The following SLC16A10 variants were observed in gnomAD, a reference collection of about 807,000 sequenced individuals.
SLC16A10 encodes solute carrier family 16 member 10, also known as monocarboxylate transporter 10.
SLC16A10 carries 27 observed loss-of-function variants against 40.0 expected under a neutral mutation model. The observed-to-expected ratio is 0.67, with a 90% CI of 0.50 to 0.93. The LOEUF (loss-of-function observed/expected upper bound fraction) is 0.93. SLC16A10 is among the 40% of genes least tolerant of loss of function. SLC16A10 has a pLI of 0.00. For missense variants in SLC16A10, 529 were observed against 658.2 expected (o/e 0.80, Z 2.15); for synonymous variants, 213 against 249.8 (o/e 0.85, Z 1.39).
At chr6:111,221,013 T>C (rs1770878172) in intron 5 of SLC16A10, among the ~76,000 whole-genome samples, 1 of 152,194 alleles carries the variant, frequency 6.6e-6, no homozygotes, top group South Asian at 2.1e-4. Context: ...ATTTTATATA[T>C]GCAGAATGGA....
intron 3 of SLC16A10, among the ~76,000 whole-genome samples, chr6:111,193,732 T>G (rs1369606403): frequency 6.6e-6 from 1 of 152,250 alleles, no homozygotes; most frequent in Non-Finnish European, 1.5e-5. Context: ...AAATTATCCC[T>G]GTAATGTAGG....
chr6:111,113,120 A>G (rs1282708186), intron 1 of SLC16A10, among the ~76,000 whole-genome samples: 1 of 152,244 alleles, frequency 6.6e-6, no homozygotes, highest in Admixed American at 6.5e-5. Flanking sequence ...CCTATTAACA[A>G]ATTAAATAAT....
chr6:111,123,834 TC>T (rs2114478396), intron 1 of SLC16A10, among the ~76,000 whole-genome samples: 1 of 152,226 alleles, frequency 6.6e-6, no homozygotes, highest in Non-Finnish European at 1.5e-5. Context: ...GTGCTGATAT[TC>T]ATCAGAAAAA....
intron 3 of SLC16A10, among the ~76,000 whole-genome samples, chr6:111,199,894 T>G (rs558463450): frequency 6.6e-6 from 1 of 152,120 alleles, no homozygotes; most frequent in South Asian, 2.1e-4. Flanking sequence ...GTTTTCAAAA[T>G]TAGGTTCTTT....
chr6:111,135,133 G>A (rs999379827), intron 1 of SLC16A10, among the ~76,000 whole-genome samples: 2 of 152,138 alleles, frequency 1.3e-5, no homozygotes, highest in African/African-American at 4.8e-5. Context: ...AAAAGCAGGG[G>A]CCATTATACA....
Position 111,172,592 on chromosome 6 carries a change from A to G in SLC16A10, c.344-103A>G, listed in dbSNP as rs1196331637. 13 of 1,405,016 alleles carry G rather than the reference A, an allele frequency of 9.3e-6. No individual in the cohort carries two copies. The Admixed American group carries it at 1.4e-4, about 15-fold the overall frequency. The allele number at this position is 1,405,016 out of a possible 1,614,324, so 87.0% of individuals were successfully genotyped here. ...TAAGCTTAGGCACTATACTCAAAAA[A>G]ACTAAAAATAAAATTTTTCTAAATG... On this transcript the variant is annotated intron_variant, in intron 1 of 5. Coordinates refer to ENST00000368851, the MANE Select transcript of SLC16A10 (RefSeq NM_018593.5).
At chr6:111,155,164 T>TA (rs1335659750) in intron 1 of SLC16A10, among the ~76,000 whole-genome samples, 1 of 151,330 alleles carries the variant, frequency 6.6e-6, no homozygotes, top group African/African-American at 2.4e-5. Context: ...ACAATCTTCC[T>TA]ATCTTCTTTA....
intron 1 of SLC16A10, among the ~76,000 whole-genome samples, chr6:111,117,202 A>G (rs1457157711): frequency 6.6e-6 from 1 of 152,014 alleles, no homozygotes; most frequent in African/African-American, 2.4e-5. Context: ...TACAAAAAAA[A>G]TTAGCCCAGC....
rs1039502376 is a variant in SLC16A10, at chr6:111,179,777, C to G, written c.942+2112C>G. ...TCTTACAAAATATGTTGACATTGTTCATTTGAGATTTTCTCTTTCTCATAA... is the reference window on the plus strand; with the variant it reads ...TCTTACAAAATATGTTGACATTGTTGATTTGAGATTTTCTCTTTCTCATAA... On this transcript the variant is annotated intron_variant, in intron 3 of 5. Coordinates refer to ENST00000368851, the MANE Select transcript of SLC16A10 (RefSeq NM_018593.5). Among the ~76,000 whole-genome samples, 5 of 152,166 alleles carry G rather than the reference C, an allele frequency of 3.3e-5. No individual in the cohort carries two copies. The South Asian group carries it at 1.0e-3, about 32-fold the overall frequency.
chr6:111,114,142 A>T (rs1212206671), intron 1 of SLC16A10, among the ~76,000 whole-genome samples: 1 of 152,002 alleles, frequency 6.6e-6, no homozygotes, highest in African/African-American at 2.4e-5. Flanking sequence ...TGTTTAAGTC[A>T]AGCATTTGAA....
chr6:111,132,121 C>A (rs1054002622), intron 1 of SLC16A10, among the ~76,000 whole-genome samples: 1 of 152,030 alleles, frequency 6.6e-6, no homozygotes, highest in East Asian at 1.9e-4. Context: ...TCAACATGGG[C>A]AGTTATGTAG....
At chr6:111,163,093 A>G (rs1772401481) in intron 1 of SLC16A10, among the ~76,000 whole-genome samples, 1 of 151,854 alleles carries the variant, frequency 6.6e-6, no homozygotes, top group Admixed American at 6.6e-5. Flanking sequence ...AGTCAAAGCC[A>G]TGATTGACAA....
At chr6:111,173,418 A>T (rs1285089321) in intron 2 of SLC16A10, 1 of 152,448 alleles carries the variant, frequency 6.6e-6, no homozygotes, top group Non-Finnish European at 1.5e-5. Flanking sequence ...ATGTCAATGT[A>T]CTTCTCCTGT....
At chr6:111,131,949 A>G (rs1562406996) in intron 1 of SLC16A10, among the ~76,000 whole-genome samples, 1 of 152,048 alleles carries the variant, frequency 6.6e-6, no homozygotes, top group Non-Finnish European at 1.5e-5. Flanking sequence ...ACTTCCTCCA[A>G]TCCCTGCCTC....
chr6:111,093,216 C>A lies in SLC16A10; in HGVS notation c.343+5121C>A, dbSNP rs1391720881. 2.6e-5 allele frequency among the ~76,000 whole-genome samples: 4 copies of A among 151,826 alleles called. No individual in the cohort carries two copies. In the East Asian group the frequency reaches 7.7e-4, roughly 29 times the overall value. Reference sequence around the variant, plus strand: ...CAAGAGAGAAACTTTGTCTCACACACAAAAAAAGTGTAAATCAAAACATTA... The same window carrying A: ...CAAGAGAGAAACTTTGTCTCACACAAAAAAAAAGTGTAAATCAAAACATTA... On this transcript the variant is annotated intron_variant, in intron 1 of 5. Transcript: ENST00000368851.
At chr6:111,165,815 G>A (rs1772461723) in intron 1 of SLC16A10, among the ~76,000 whole-genome samples, 1 of 152,212 alleles carries the variant, frequency 6.6e-6, no homozygotes, top group African/African-American at 2.4e-5. Flanking sequence ...AAGTCACACA[G>A]ATATTAGCCA....
At chr6:111,156,675 T>C (rs1772275736) in intron 1 of SLC16A10, among the ~76,000 whole-genome samples, 1 of 152,152 alleles carries the variant, frequency 6.6e-6, no homozygotes, top group South Asian at 2.1e-4. Flanking sequence ...CTAAATATAA[T>C]GTGGTATCTT....
intron 1 of SLC16A10, among the ~76,000 whole-genome samples, chr6:111,118,255 G>A (rs1771523321): frequency 6.6e-6 from 1 of 152,270 alleles, no homozygotes; most frequent in East Asian, 1.9e-4. Context: ...TTTAGGAAAT[G>A]TAATTATAAC....
intron 1 of SLC16A10, among the ~76,000 whole-genome samples, chr6:111,161,492 C>A (rs1772371846): frequency 6.6e-6 from 1 of 152,006 alleles, no homozygotes; most frequent in Non-Finnish European, 1.5e-5. Flanking sequence ...CATCTAACTG[C>A]CATTAGAATA....
Sources: gnomAD v4.1 joint callset for allele counts (sites outside exome capture counted in the v4.1 genomes callset) on GRCh38, gnomAD v4.1.1 for gene constraint, MANE v1.5 for transcripts, NCBI Gene and HGNC (gene_info 2026-07-23, HGNC 2026-07-21) for gene names.